BICDL2: variants seen among roughly 807,000 people sequenced by gnomAD.
The protein encoded by BICDL2 is BICD family-like cargo adapter 2.
In BICDL2, 62 loss-of-function variants were observed where a neutral mutation model predicts 56.6. That is an observed-to-expected ratio of 1.10 (90% CI 0.89 to 1.35). The LOEUF (loss-of-function observed/expected upper bound fraction) is 1.35, where lower values mean the gene tolerates loss of function less well. Ranked by LOEUF, BICDL2 falls within the 40% of genes most tolerant of loss-of-function variation. The probability of loss-of-function intolerance (pLI) is 0.00; values close to 1 mark genes in which losing one functional copy is unlikely to be tolerated. For missense variants in BICDL2, 808 were observed against 684.5 expected, an observed-to-expected ratio of 1.18 and a Z score of -2.01; for synonymous variants, 358 against 319.8, an observed-to-expected ratio of 1.12 and a Z score of -1.27.
rs1427781769 is a variant in BICDL2 at position 3,031,054 on chromosome 16, C to T, written c.379G>A (p.Ala127Thr). 2 of 1,538,786 alleles carry T rather than the reference C, an allele frequency of 1.3e-6. No homozygotes were observed. The highest frequency in any genetic ancestry group is 1.2e-5 in the South Asian group (1 of 84,124). The stretch of plus-strand genomic sequence containing the variant: ...TGCTCCCCAAGCTGGGCCCGCAGGG[C>T]CTCCACGTCCCCCTCCAGCTCCACG... ...RAVELEGDVE[A>T]LRAQLGEQRS... Residue 127 changes from alanine to threonine, a missense_variant, in exon 3 of 10, where the codon GCC (alanine) becomes ACC (threonine). Physicochemically the swap from Ala to Thr is moderately conservative, Grantham distance 58. Transcript: ENST00000572449.
intron 2 of BICDL2, 165 bp from the exon 3 acceptor site, chr16:3,031,315 C>G: frequency 1.6e-6 from 1 of 634,102 alleles, no homozygotes; most frequent in Non-Finnish European, 2.7e-6. Flanking sequence ...GAAGCGTGAG[C>G]AAGACCCAGA....
At position 3,029,677 on chromosome 16, in the gene BICDL2, G is replaced by C. The variant is rs1955623934; in HGVS notation, c.825C>G (p.Arg275=). 6.5e-7 allele frequency: 1 copy of C among 1,539,678 alleles called. No individual in the cohort carries two copies. Among genetic ancestry groups the C allele is most frequent in the Admixed American group, 2.0e-5 (1 of 50,790 alleles). ...ALSALRRLQR[R]VSELEEESRL... is the part of the protein sequence containing the mutation. Reference sequence around the variant, plus strand: ...GTGACTCCTCCTCCAGCTCGGAGACGCGCCGCTGCAGCCTCCGCAGCGCAC... The same window carrying C: ...GTGACTCCTCCTCCAGCTCGGAGACCCGCCGCTGCAGCCTCCGCAGCGCAC... Residue 275 remains arginine, a synonymous_variant, in exon 6 of 10, where the codon CGC becomes CGG. Transcript: ENST00000572449.
chr16:3,029,179 G>C, intron 7 of BICDL2, 101 bp downstream of exon 7: 2 of 1,445,396 alleles, frequency 1.4e-6, no homozygotes, highest in African/African-American at 1.4e-5. Context: ...AGCCGATCCA[G>C]GTATAGGGAG....
At position 3,028,167 on chromosome 16, in the gene BICDL2, G is replaced by A. The variant is rs748375429; in HGVS notation, c.1466C>T (p.Ser489Leu). ...STPRRAAPRFSLRLGPGPAGG... is the reference protein window; with the variant it reads ...STPRRAAPRFLLRLGPGPAGG... ...GGCGGGCCCGGGGCCCAGGCGCAGC[G>A]AGAAGCGGGGCGCGGCACGGCGCGG... Residue 489 changes from serine (S) to leucine (L), a missense_variant, in exon 10 of 10, where the codon TCG becomes TTG. Physicochemically the swap from Ser to Leu is moderately radical, Grantham distance 145. Coordinates refer to ENST00000572449, the MANE Select transcript of BICDL2 (RefSeq NM_001369667.1). The A allele has an allele frequency of 1.4e-6, 2 of 1,449,180 alleles. No homozygotes were observed. The highest frequency in any genetic ancestry group is 1.5e-5 in the African/African-American group (1 of 66,856). The allele number at this position is 1,449,180 out of a possible 1,614,324, so 89.8% of individuals were successfully genotyped here.
rs1955614082 is a variant in BICDL2, at chr16:3,029,332, G to A, written c.1055C>T (p.Pro352Leu). 1 of 1,611,540 alleles carries A rather than the reference G, an allele frequency of 6.2e-7. No homozygotes were observed. The highest frequency in any genetic ancestry group is 1.3e-5 in the African/African-American group (1 of 74,884). Reference protein sequence around the residue: ...EPPKKRTSLSPAEILEEKEVE... With the variant: ...EPPKKRTSLSLAEILEEKEVE... The stretch of plus-strand genomic sequence containing the variant: ...CTCCTTCTCCTCCAGTATCTCCGCT[G>A]GACTGAGGGATGTTCGCTTCTTGGG... The change falls in exon 7 of 10, where the codon CCA becomes CTA. Residue 352 changes from proline (P) to leucine (L), a missense_variant. By Grantham distance (98) the Pro-to-Leu change is moderately conservative. Transcript: ENST00000572449.
chr16:3,031,593 C>T (rs372257357), intron 2 of BICDL2: 1 of 411,878 alleles, frequency 2.4e-6, no homozygotes, highest in Non-Finnish European at 4.3e-6. Context: ...CTAATTAACC[C>T]TGGTCAGCCC....
chr16:3,031,526 C>T (rs1955655235), intron 2 of BICDL2: 1 of 445,078 alleles, frequency 2.2e-6, no homozygotes, highest in Non-Finnish European at 4.0e-6. Context: ...GTCCCAGGGG[C>T]TCTGGAGGCC....
intron 2 of BICDL2, chr16:3,031,997 T>C (rs1955663741): frequency 1.3e-5 from 2 of 152,468 alleles, no homozygotes; most frequent in African/African-American, 4.8e-5. Flanking sequence ...AGTGGCACTA[T>C]CTCAGCTCAC....
At chr16:3,034,693 C>CTTCCTT (rs201446162) in intron 2 of BICDL2, among the ~76,000 whole-genome samples, 1 of 107,710 alleles carries the variant, frequency 9.3e-6, no homozygotes, top group African/African-American at 3.8e-5. Context: ...TCCTTCCTTC[C>CTTCCTT]CCTTCCTTCC....
At chr16:3,035,176 T>TTGGGGCGGGGGGGGGGGGGGGGGGGG in intron 2 of BICDL2, 39 bp downstream of exon 2, 1 of 136,274 alleles carries the variant, frequency 7.3e-6, no homozygotes, top group Non-Finnish European at 1.4e-5. Context: ...CGTCCTCCCC[T>TTGGGGCGGGGGGGGGGGGGGGGGGGG]GCCCACCCAC....
intron 2 of BICDL2, 188 bp from the exon 3 acceptor site, chr16:3,031,338 A>G: frequency 3.3e-6 from 2 of 607,560 alleles, no homozygotes; most frequent in South Asian, 4.0e-5. Context: ...TTTAGAGGGA[A>G]GGTTCCGAGC....
intron 2 of BICDL2, 169 bp downstream of exon 2, chr16:3,035,046 C>T: frequency 1.5e-6 from 1 of 659,324 alleles, no homozygotes; most frequent in South Asian, 2.0e-5. Context: ...GGCAACACTG[C>T]CAGGGGGACT....
Position 3,035,536 on chromosome 16 carries a change from A to G in BICDL2, c.-30-10T>C, listed in dbSNP as rs750070550. The G allele has an allele frequency of 2.7e-5, 43 of 1,571,708 alleles. No homozygotes were observed. In the South Asian group the frequency reaches 2.8e-4, roughly 10 times the overall value. ...CTGCGGGGACAGGTGGCTGCGGGAC[A>G]CTCTACTCTGCAGCCTGACAGGGGC... On this transcript the variant is annotated splice_polypyrimidine_tract_variant and intron_variant, in intron 1 of 9. Coordinates refer to ENST00000572449, the MANE Select transcript of BICDL2 (RefSeq NM_001369667.1).
chr16:3,028,200 G>C lies in BICDL2; in HGVS notation c.1433C>G (p.Ser478Trp). ...RQKELSASAS[S>W]STPRRAAPRF... Reference sequence around the variant, plus strand: ...GGGCGCGGCACGGCGCGGGGTCGACGACGACGCGGAGGCGCTCAGCTCCTT... The same window carrying C: ...GGGCGCGGCACGGCGCGGGGTCGACCACGACGCGGAGGCGCTCAGCTCCTT... Residue 478 changes from serine (S) to tryptophan (W), a missense_variant, in exon 10 of 10, where the codon TCG becomes TGG. Transcript: ENST00000572449. 6.8e-7 allele frequency: 1 copy of C among 1,465,744 alleles called. No homozygotes were observed. Among genetic ancestry groups the C allele is most frequent in the Non-Finnish European group, 8.9e-7 (1 of 1,119,986 alleles). 90.8% of individuals were successfully genotyped at this position (1,465,744 alleles called of 1,614,324 possible).
chr16:3,028,429 C>T lies in BICDL2; in HGVS notation c.1278G>A (p.Leu426=), dbSNP rs1317319493. 5.8e-6 allele frequency: 9 copies of T among 1,561,426 alleles called. No individual in the cohort carries two copies. The East Asian group carries it at 1.6e-4, about 28-fold the overall frequency. Residue 426 remains leucine, a synonymous_variant, in exon 9 of 10, where the codon CTG becomes CTA. Coordinates refer to ENST00000572449, the MANE Select transcript of BICDL2 (RefSeq NM_001369667.1). Reference sequence around the variant, plus strand: ...GCTCCCGAGACAGGGAGTCTCGCTCCAGCGAGACGCGGTTGAGCTGCAGGG... The same window carrying T: ...GCTCCCGAGACAGGGAGTCTCGCTCTAGCGAGACGCGGTTGAGCTGCAGGG... ...ELSLQLNRVS[L]ERDSLSRELL... is the part of the protein sequence containing the mutation.
At chr16:3,029,473 G>A (rs777493357) in intron 6 of BICDL2, 44 bp from the exon 7 acceptor site, 2 of 1,584,416 alleles carry the variant, frequency 1.3e-6, no homozygotes, top group Non-Finnish European at 1.7e-6. Context: ...GTTTATTGGG[G>A]AAAGGAGGAA....
intron 2 of BICDL2, chr16:3,031,861 T>C: frequency 7.7e-6 from 2 of 258,584 alleles, no homozygotes; most frequent in Non-Finnish European, 1.4e-5. Flanking sequence ...GGTTTACAGA[T>C]GGAACAAGCT....
chr16:3,029,672 G>A lies in BICDL2; in HGVS notation c.830C>T (p.Ser277Phe). 6.5e-7 allele frequency: 1 copy of A among 1,539,274 alleles called. No homozygotes were observed. Among genetic ancestry groups the A allele is most frequent in the Non-Finnish European group, 8.7e-7 (1 of 1,148,172 alleles). Residue 277 changes from serine to phenylalanine, a missense_variant, in exon 6 of 10, where the codon TCC becomes TTC. Coordinates refer to ENST00000572449, the MANE Select transcript of BICDL2 (RefSeq NM_001369667.1). ...SALRRLQRRV[S>F]ELEEESRLQD... is the part of the protein sequence containing the mutation. ...GAGGCGTGACTCCTCCTCCAGCTCGGAGACGCGCCGCTGCAGCCTCCGCAG... is the reference window on the plus strand; with the variant it reads ...GAGGCGTGACTCCTCCTCCAGCTCGAAGACGCGCCGCTGCAGCCTCCGCAG...
chr16:3,034,310 G>T (rs994162243), intron 2 of BICDL2, among the ~76,000 whole-genome samples: 2 of 152,120 alleles, frequency 1.3e-5, no homozygotes, highest in South Asian at 4.1e-4. Context: ...ATGCAGTCTC[G>T]CTCTGTCACC....
Sources: allele counts gnomAD v4.1 joint callset (sites outside exome capture counted in the v4.1 genomes callset), GRCh38; gene constraint gnomAD v4.1.1; transcripts MANE v1.5; gene names NCBI Gene and HGNC (gene_info 2026-07-23, HGNC 2026-07-21).